MTUS2: variants seen among roughly 807,000 people sequenced by gnomAD.
MTUS2 encodes microtubule associated scaffold protein 2, also known as microtubule-associated tumor suppressor candidate 2.
In MTUS2, 40 loss-of-function variants were observed where a neutral mutation model predicts 114.1. The ratio of observed to expected loss-of-function variants is 0.35; its 90% CI spans 0.27 to 0.46. MTUS2 has a LOEUF of 0.46. MTUS2 is among the 20% of genes least tolerant of loss of function. The pLI, the probability that MTUS2 is intolerant of heterozygous loss-of-function variation, is 1.00. For missense variants in MTUS2, 1,679 were observed against 1,705.4 expected, an observed-to-expected ratio of 0.98 and a Z score of 0.27; for synonymous variants, 688 against 672.0, an observed-to-expected ratio of 1.02 and a Z score of -0.37.
intron 9 of MTUS2, among the ~76,000 whole-genome samples, chr13:29,463,858 G>A (rs1879695820): frequency 6.6e-6 from 1 of 152,128 alleles, no homozygotes; most frequent in South Asian, 2.1e-4. Flanking sequence ...AATTAGCCAG[G>A]TGTGGTGGCA....
chr13:29,157,998 C>CTTTTAAAA (rs1419539125), intron 5 of MTUS2, among the ~76,000 whole-genome samples: 1 of 152,124 alleles, frequency 6.6e-6, no homozygotes, highest in African/African-American at 2.4e-5. Context: ...TCAGGTGAAA[C>CTTTTAAAA]ATCTCTGACT....
intron 11 of MTUS2, among the ~76,000 whole-genome samples, chr13:29,491,500 A>C (rs958129283): frequency 2.2e-4 from 22 of 98,736 alleles, no homozygotes; most frequent in Admixed American, 8.7e-4. Flanking sequence ...TAGTGTGTGT[A>C]TGTGGGGGTG....
chr13:29,389,366 C>CGT (rs58264929), intron 8 of MTUS2, among the ~76,000 whole-genome samples: 7 of 57,946 alleles, frequency 1.2e-4, no homozygotes, highest in East Asian at 4.6e-4. Context: ...TATGTATGCA[C>CGT]GTGTGTGTAT....
chr13:28,995,705 T>A (rs141031473), intron 2 of MTUS2, among the ~76,000 whole-genome samples: 2,673 of 152,014 alleles, frequency 0.018, 80 homozygotes, highest in African/African-American at 0.06. Flanking sequence ...TCTGTCTGTT[T>A]TTGGTGTATA....
chr13:28,833,561 C>T (rs1874856205), intron 1 of MTUS2, among the ~76,000 whole-genome samples: 1 of 152,122 alleles, frequency 6.6e-6, no homozygotes, highest in African/African-American at 2.4e-5. Context: ...AGGAAACTTC[C>T]TCAACCTAAT....
At chr13:29,125,347 G>A (rs1891470479) in intron 5 of MTUS2, among the ~76,000 whole-genome samples, 1 of 152,134 alleles carries the variant, frequency 6.6e-6, no homozygotes, top group African/African-American at 2.4e-5. Context: ...AGCTTCCTTG[G>A]TTTAAAATGA....
chr13:29,309,489 AC>A lies in MTUS2; in HGVS notation c.2807-15122del, dbSNP rs113570896. On this transcript the variant is annotated intron_variant, in intron 6 of 15. Transcript: ENST00000612955. ...ATAGCTAATGGATGCCGGGCTTAAT[AC>A]CTAGGTGATGGGATGGTTTGTGCAG... Among the ~76,000 whole-genome samples, 566 of 152,222 alleles carry A rather than the reference AC, an allele frequency of 3.7e-3. 8 individuals carry two copies. The highest frequency in any genetic ancestry group is 0.013 in the African/African-American group (550 of 41,536).
At chr13:28,935,114 C>G (rs1015679983) in intron 2 of MTUS2, among the ~76,000 whole-genome samples, 4 of 144,642 alleles carry the variant, frequency 2.8e-5, no homozygotes, top group African/African-American at 1.0e-4. Flanking sequence ...TACACTGTCA[C>G]TTCAGCACAT....
At chr13:28,829,140 G>A (rs996354622) in intron 1 of MTUS2, among the ~76,000 whole-genome samples, 6 of 152,106 alleles carry the variant, frequency 3.9e-5, no homozygotes, top group African/African-American at 1.4e-4. Context: ...TCAAGAAAAA[G>A]GACTGAATCT....
chr13:28,931,840 C>G (rs1881634734), intron 2 of MTUS2, among the ~76,000 whole-genome samples: 1 of 152,120 alleles, frequency 6.6e-6, no homozygotes, highest in Non-Finnish European at 1.5e-5. Flanking sequence ...CTCCCCACCC[C>G]ACAACAGTCC....
At chr13:29,181,109 C>T (rs948238019) in intron 5 of MTUS2, among the ~76,000 whole-genome samples, 5 of 152,044 alleles carry the variant, frequency 3.3e-5, no homozygotes, top group South Asian at 2.1e-4. Context: ...GGCGAATGAG[C>T]GTCAGGGAGA....
At chr13:28,840,688 G>A (rs1244759322) in intron 2 of MTUS2, among the ~76,000 whole-genome samples, 1 of 152,204 alleles carries the variant, frequency 6.6e-6, no homozygotes, top group Admixed American at 6.5e-5. Context: ...GAGCAACTGG[G>A]AAGTTGGCTC....
At chr13:28,827,850 A>G (rs1431693231) in intron 1 of MTUS2, among the ~76,000 whole-genome samples, 2 of 152,334 alleles carry the variant, frequency 1.3e-5, no homozygotes, top group Non-Finnish European at 2.9e-5. Flanking sequence ...TCACAAGGTA[A>G]TAAAATATCA....
intron 5 of MTUS2, among the ~76,000 whole-genome samples, chr13:29,108,656 G>A (rs1890764667): frequency 6.6e-6 from 1 of 152,182 alleles, no homozygotes; most frequent in African/African-American, 2.4e-5. Flanking sequence ...TGCACATAAA[G>A]CCATGCAGGG....
At chr13:29,199,553 G>T (rs776471363) in intron 5 of MTUS2, among the ~76,000 whole-genome samples, 1 of 152,124 alleles carries the variant, frequency 6.6e-6, no homozygotes, top group Admixed American at 6.5e-5. Flanking sequence ...GTTGATCATG[G>T]TGGATAAGCT....
chr13:29,067,510 A>G (rs573005615), intron 4 of MTUS2, among the ~76,000 whole-genome samples: 7 of 152,294 alleles, frequency 4.6e-5, no homozygotes, highest in African/African-American at 1.7e-4. Flanking sequence ...GTTTTGAATG[A>G]GCAATTTTAG....
In MTUS2 at chr13:29,360,700, C is replaced by G. The variant is rs898642103; in HGVS notation, c.3117+1227C>G. Among the ~76,000 whole-genome samples, 58 of 104,100 alleles carry G rather than the reference C, an allele frequency of 5.6e-4. 1 individual carries two copies. Among genetic ancestry groups the G allele is most frequent in the African/African-American group, 1.7e-3 (57 of 32,630 alleles). 68.3% of individuals were successfully genotyped at this position (104,100 alleles called of 152,430 possible). On this transcript the variant is annotated intron_variant, in intron 8 of 15. Coordinates refer to ENST00000612955, the MANE Select transcript of MTUS2 (RefSeq NM_001033602.4). ...AAAGTAGCCGAACACCCCCCCCCCC[C>G]CGTAAGAATTAAAGTTACAAACACG...
chr13:29,023,564 G>C (rs1175439075), intron 2 of MTUS2, among the ~76,000 whole-genome samples: 2 of 152,030 alleles, frequency 1.3e-5, no homozygotes, highest in Non-Finnish European at 2.9e-5. Context: ...TATATTTCAA[G>C]AACCAAATTA....
At chr13:29,054,377 T>C (rs1888034206) in intron 4 of MTUS2, among the ~76,000 whole-genome samples, 1 of 152,170 alleles carries the variant, frequency 6.6e-6, no homozygotes. Context: ...TGATTTTTCA[T>C]TACTTAACAG....
Sources: gnomAD v4.1 joint callset for allele counts (sites outside exome capture counted in the v4.1 genomes callset) on GRCh38, gnomAD v4.1.1 for gene constraint, MANE v1.5 for transcripts, NCBI Gene and HGNC (gene_info 2026-07-23, HGNC 2026-07-21) for gene names.